CNTNAP2: variants seen among roughly 807,000 people sequenced by gnomAD.
The protein encoded by CNTNAP2 is contactin associated protein 2, also known as contactin-associated protein-like 2.
In CNTNAP2, 98 loss-of-function variants were observed where a neutral mutation model predicts 155.2. The ratio of observed to expected loss-of-function variants is 0.63; its 90% CI spans 0.54 to 0.75. The LOEUF (loss-of-function observed/expected upper bound fraction) is 0.75. Among genes scored for constraint, CNTNAP2 ranks in the 30% least tolerant of loss-of-function variants. The pLI, the probability that CNTNAP2 is intolerant of heterozygous loss-of-function variation, is 0.00. For synonymous variants in CNTNAP2, 651 were observed against 631.2 expected (o/e 1.03, Z -0.47); for missense variants, 1,727 against 1,688.1 (o/e 1.02, Z -0.40).
At chr7:146,218,920 G>A (rs1799160808) in intron 1 of CNTNAP2, among the ~76,000 whole-genome samples, 1 of 152,094 alleles carries the variant, frequency 6.6e-6, no homozygotes, top group African/African-American at 2.4e-5. Flanking sequence ...ATCTGGAGAT[G>A]TAAGTGTATT....
chr7:146,426,185 C>CAAAAAAAAAAAAAAAAA lies in CNTNAP2; in HGVS notation c.97+309221_97+309237dup, dbSNP rs57484419. The stretch of plus-strand genomic sequence containing the variant: ...TGGGCTACAGAGTGAGACTTCGCCT[C>CAAAAAAAAAAAAAAAAA]AAAAAAAAAAAAAAAAAAAAAAAAA... On this transcript the variant is annotated intron_variant, in intron 1 of 23. Transcript: ENST00000361727. Among the ~76,000 whole-genome samples the CAAAAAAAAAAAAAAAAA allele has an allele frequency of 1.3e-3, 73 of 54,626 alleles. 4 individuals are homozygous for CAAAAAAAAAAAAAAAAA. Among genetic ancestry groups the CAAAAAAAAAAAAAAAAA allele is most frequent in the African/African-American group, 3.6e-3 (49 of 13,454 alleles). 35.8% of individuals were successfully genotyped at this position (54,626 alleles called of 152,430 possible).
chr7:146,515,344 A>G (rs936681193), intron 1 of CNTNAP2, among the ~76,000 whole-genome samples: 1 of 151,996 alleles, frequency 6.6e-6, no homozygotes, highest in African/African-American at 2.4e-5. Context: ...TGAGACACAT[A>G]TGTGTGAGGG....
intron 4 of CNTNAP2, among the ~76,000 whole-genome samples, chr7:147,065,292 G>A (rs537403590): frequency 1.3e-5 from 2 of 152,200 alleles, no homozygotes; most frequent in Non-Finnish European, 2.9e-5. Context: ...TAAGCAAATG[G>A]CAACCATTTG....
At chr7:148,017,739 G>A (rs1390763928) in intron 15 of CNTNAP2, among the ~76,000 whole-genome samples, 1 of 152,194 alleles carries the variant, frequency 6.6e-6, no homozygotes, top group Non-Finnish European at 1.5e-5. Flanking sequence ...GCCCATCTAT[G>A]TAACAGTAAT....
At chr7:146,927,129 A>C (rs901247623) in intron 3 of CNTNAP2, among the ~76,000 whole-genome samples, 6 of 152,142 alleles carry the variant, frequency 3.9e-5, no homozygotes, top group African/African-American at 9.7e-5. Flanking sequence ...CATGTCATCA[A>C]AACTTTAATT....
intron 8 of CNTNAP2, among the ~76,000 whole-genome samples, chr7:147,250,359 A>G (rs1033292378): frequency 6.6e-6 from 1 of 152,062 alleles, no homozygotes; most frequent in Middle Eastern, 3.4e-3. Flanking sequence ...GCAAGGAGAA[A>G]AAAAGTGAGA....
intron 14 of CNTNAP2, among the ~76,000 whole-genome samples, chr7:147,907,319 G>A (rs1293789089): frequency 6.6e-6 from 1 of 152,170 alleles, no homozygotes; most frequent in Non-Finnish European, 1.5e-5. Context: ...GCCTCCCAAA[G>A]TGCTGGGATT....
intron 1 of CNTNAP2, among the ~76,000 whole-genome samples, chr7:146,339,417 G>A (rs2129096224): frequency 6.6e-6 from 1 of 152,124 alleles, no homozygotes; most frequent in East Asian, 1.9e-4. Flanking sequence ...TTTCTTTTAT[G>A]GGATATACAA....
chr7:147,091,885 C>T (rs898011403), intron 4 of CNTNAP2, among the ~76,000 whole-genome samples: 1 of 152,072 alleles, frequency 6.6e-6, no homozygotes, highest in Admixed American at 6.5e-5. Context: ...GGATTACAGG[C>T]GTGAGCCACC....
intron 22 of CNTNAP2, among the ~76,000 whole-genome samples, chr7:148,403,286 G>C (rs1011481703): frequency 5.9e-5 from 9 of 151,646 alleles, no homozygotes; most frequent in Admixed American, 3.3e-4. Context: ...ACAAATATAG[G>C]AACACGGATG....
chr7:147,646,984 C>CTT (rs370340266), intron 13 of CNTNAP2, among the ~76,000 whole-genome samples: 56 of 140,638 alleles, frequency 4.0e-4, no homozygotes, highest in Non-Finnish European at 5.3e-4. Context: ...ATTATGTTCA[C>CTT]TTTTTTTTTT....
At chr7:146,826,444 G>C (rs763799363) in intron 2 of CNTNAP2, among the ~76,000 whole-genome samples, 21 of 152,088 alleles carry the variant, frequency 1.4e-4, no homozygotes, top group African/African-American at 4.8e-4. Context: ...CCAGCTTCCC[G>C]GGTCCCTTTG....
intron 9 of CNTNAP2, among the ~76,000 whole-genome samples, chr7:147,352,145 A>T (rs147022962): frequency 6.6e-6 from 1 of 152,096 alleles, no homozygotes; most frequent in African/African-American, 2.4e-5. Context: ...TTTGACTGAC[A>T]TGACTCAAGG....
rs1797364260 is a variant in CNTNAP2, at chr7:146,505,152, CCATCCA to C, written c.98-269118_98-269113del. 2.6e-5 allele frequency among the ~76,000 whole-genome samples: 4 copies of C among 152,312 alleles called. No homozygotes were observed. In the South Asian group the frequency reaches 8.3e-4, roughly 32 times the overall value. The stretch of plus-strand genomic sequence containing the variant: ...ACGTCAGCCATGGAACTCCTAGTGT[CCATCCA>C]TGTCCAGTTTTCCACAGAAGCTGGA... On this transcript the variant is annotated intron_variant, in intron 1 of 23. Coordinates refer to ENST00000361727, the MANE Select transcript of CNTNAP2 (RefSeq NM_014141.6).
intron 11 of CNTNAP2, among the ~76,000 whole-genome samples, chr7:147,498,731 C>A (rs533473709): frequency 1.9e-3 from 294 of 152,290 alleles, no homozygotes; most frequent in Non-Finnish European, 2.5e-3. Flanking sequence ...AATCTCTTTG[C>A]TATTTAAAAA....
chr7:147,148,492 C>G (rs1455604112), intron 8 of CNTNAP2, among the ~76,000 whole-genome samples: 2 of 152,114 alleles, frequency 1.3e-5, no homozygotes, highest in African/African-American at 2.4e-5. Flanking sequence ...TACAGAAGTC[C>G]TATGACTTGT....
At chr7:147,861,952 C>T (rs921926969) in intron 13 of CNTNAP2, among the ~76,000 whole-genome samples, 5 of 139,386 alleles carry the variant, frequency 3.6e-5, no homozygotes, top group South Asian at 2.2e-4. Flanking sequence ...GAGCCAGGAT[C>T]GTGCCATTGC....
intron 4 of CNTNAP2, among the ~76,000 whole-genome samples, chr7:147,086,375 C>T (rs1281565157): frequency 6.6e-6 from 1 of 151,876 alleles, no homozygotes; most frequent in Non-Finnish European, 1.5e-5. Flanking sequence ...CTTTTTGATA[C>T]ATCCACAGAA....
chr7:147,525,744 A>C (rs983521307), intron 11 of CNTNAP2, among the ~76,000 whole-genome samples: 3 of 152,212 alleles, frequency 2.0e-5, no homozygotes, highest in Non-Finnish European at 4.4e-5. Context: ...CTCTCGGATC[A>C]AGTTACTTCA....
Sources: allele counts gnomAD v4.1 joint callset (sites outside exome capture counted in the v4.1 genomes callset), GRCh38; gene constraint gnomAD v4.1.1; transcripts MANE v1.5; gene names NCBI Gene and HGNC (gene_info 2026-07-23, HGNC 2026-07-21).